Variants in RAPGEF5 observed in about 807,000 individuals in gnomAD.
RAPGEF5 encodes M-Ras-regulated GEF.
In RAPGEF5, 65 loss-of-function variants were observed where a neutral mutation model predicts 125.2. That is an observed-to-expected ratio of 0.52 (90% confidence interval 0.43 to 0.64). The LOEUF is 0.64. RAPGEF5 is among the 30% of genes least tolerant of loss of function. RAPGEF5 has a pLI of 0.00. For missense variants in RAPGEF5, 958 were observed against 1,048.1 expected (o/e 0.91, Z 1.19); for synonymous variants, 391 against 385.9 (o/e 1.01, Z -0.16).
At chr7:22,318,130 T>G in intron 1 of RAPGEF5, 93 bp from the exon 2 acceptor site, 1 of 1,225,254 alleles carries the variant, frequency 8.2e-7, no homozygotes, top group Non-Finnish European at 1.1e-6. Flanking sequence ...AGGGCAGGCC[T>G]CTGCTATGAA....
chr7:22,250,258 T>C (rs1786585966), intron 7 of RAPGEF5, among the ~76,000 whole-genome samples: 1 of 152,198 alleles, frequency 6.6e-6, no homozygotes, highest in African/African-American at 2.4e-5. Flanking sequence ...TTATAACCTA[T>C]CTGAAAAATG....
chr7:22,276,437 A>G (rs1391129456), intron 6 of RAPGEF5, among the ~76,000 whole-genome samples: 1 of 152,220 alleles, frequency 6.6e-6, no homozygotes, highest in Non-Finnish European at 1.5e-5. Flanking sequence ...TATAAACTAC[A>G]GCAACTGTGT....
chr7:22,155,241 T>C (rs1183177278), intron 16 of RAPGEF5, among the ~76,000 whole-genome samples: 3 of 152,242 alleles, frequency 2.0e-5, no homozygotes, highest in Admixed American at 6.5e-5. Flanking sequence ...TCTAGTCTTT[T>C]TAATTTCCTT....
At chr7:22,161,537 A>AACACACACACACACACACACACAC (rs369030719) in intron 13 of RAPGEF5, among the ~76,000 whole-genome samples, 14 of 136,122 alleles carry the variant, frequency 1.0e-4, no homozygotes, top group African/African-American at 3.6e-4. Flanking sequence ...ACCCTGTCTC[A>AACACACACACACACACACACACAC]ACACACACAC....
chr7:22,219,985 C>G lies in RAPGEF5; in HGVS notation c.877G>C (p.Val293Leu), dbSNP rs573250311. 1 of 1,613,438 alleles carries G rather than the reference C, an allele frequency of 6.2e-7. No individual in the cohort carries two copies. The highest frequency in any genetic ancestry group is 8.5e-7 in the Non-Finnish European group (1 of 1,179,592). ...AESVPDSQAGVMCKLQERDEI... is the reference protein window; with the variant it reads ...AESVPDSQAGLMCKLQERDEI... Reference sequence around the variant, plus strand: ...TCTCTTTCCTGGAGCTTGCACATCACCCCTGCCTTAAGAGTTGGAGAAAAA... The same window carrying G: ...TCTCTTTCCTGGAGCTTGCACATCAGCCCTGCCTTAAGAGTTGGAGAAAAA... The change falls in exon 9 of 26, where the codon GTG becomes CTG. Residue 293 changes from valine (V) to leucine (L), a missense_variant. Physicochemically the swap from Val to Leu is conservative, Grantham distance 32. Coordinates refer to ENST00000665637, the MANE Select transcript of RAPGEF5 (RefSeq NM_012294.5).
chr7:22,238,414 G>C (rs1057217814), intron 7 of RAPGEF5, among the ~76,000 whole-genome samples: 1 of 152,154 alleles, frequency 6.6e-6, no homozygotes, highest in Non-Finnish European at 1.5e-5. Flanking sequence ...ACTAAGGAGA[G>C]AGGTAAAGCA....
intron 16 of RAPGEF5, among the ~76,000 whole-genome samples, chr7:22,156,281 T>C (rs946203986): frequency 6.6e-6 from 1 of 152,224 alleles, no homozygotes; most frequent in Non-Finnish European, 1.5e-5. Flanking sequence ...ATTTCTTATT[T>C]CACGCAAATA....
chr7:22,143,367 C>CT (rs1215254105), intron 20 of RAPGEF5, among the ~76,000 whole-genome samples: 2 of 152,158 alleles, frequency 1.3e-5, no homozygotes, highest in East Asian at 3.9e-4. Context: ...GTTCAACGTG[C>CT]TAGTTTCAGA....
chr7:22,192,858 C>A (rs1785037688), intron 11 of RAPGEF5: 2 of 163,762 alleles, frequency 1.2e-5, no homozygotes, highest in South Asian at 3.4e-4. Flanking sequence ...GTCTGCACCT[C>A]GGGGCTTGTT....
Position 22,256,476 on chromosome 7 carries a change from G to C in RAPGEF5, c.796+10488C>G, listed in dbSNP as rs557340657. ...CGCCAGCCCCTGCAAGATACAAATTGAAATCACAAAGCCGAGGTCGCAAAG... is the reference window on the plus strand; with the variant it reads ...CGCCAGCCCCTGCAAGATACAAATTCAAATCACAAAGCCGAGGTCGCAAAG... On this transcript the variant is annotated intron_variant, in intron 7 of 25. Transcript: ENST00000665637. 3.3e-3 allele frequency among the ~76,000 whole-genome samples: 505 copies of C among 152,298 alleles called. 3 individuals are homozygous for C. The highest frequency in any genetic ancestry group is 2.3e-3 in the Non-Finnish European group (159 of 68,020).
intron 5 of RAPGEF5, among the ~76,000 whole-genome samples, chr7:22,304,343 C>T (rs1237861426): frequency 3.3e-5 from 5 of 152,160 alleles, no homozygotes; most frequent in Admixed American, 3.3e-4. Flanking sequence ...TTCACACCAA[C>T]AGAAAAAACT....
intron 23 of RAPGEF5, among the ~76,000 whole-genome samples, chr7:22,132,716 C>T (rs1377461832): frequency 6.6e-6 from 1 of 152,172 alleles, no homozygotes; most frequent in Non-Finnish European, 1.5e-5. Flanking sequence ...GTTTATCCCT[C>T]ACCTGCCCCT....
chr7:22,165,300 T>C (rs1784128027), intron 12 of RAPGEF5, among the ~76,000 whole-genome samples: 1 of 152,186 alleles, frequency 6.6e-6, no homozygotes. Context: ...CAAATAATAT[T>C]AGGATCATAG....
At chr7:22,288,227 T>C (rs993885251) in intron 6 of RAPGEF5, among the ~76,000 whole-genome samples, 3 of 128,272 alleles carry the variant, frequency 2.3e-5, no homozygotes, top group African/African-American at 1.0e-4. Flanking sequence ...CCTCCGCCTA[T>C]GGCTGTTCCC....
At chr7:22,227,437 T>C (rs112912599) in intron 8 of RAPGEF5, among the ~76,000 whole-genome samples, 3,379 of 152,320 alleles carry the variant, frequency 0.022, 106 homozygotes, top group African/African-American at 0.074. Context: ...CACTTAATAA[T>C]AGAATGATTG....
chr7:22,138,029 A>ACG (rs1336038776), intron 21 of RAPGEF5, among the ~76,000 whole-genome samples: 30 of 151,148 alleles, frequency 2.0e-4, no homozygotes, highest in Admixed American at 6.6e-5. Context: ...ACACACACAC[A>ACG]CACACGCACG....
At chr7:22,306,737 G>A (rs1371974544) in intron 5 of RAPGEF5, among the ~76,000 whole-genome samples, 1 of 152,158 alleles carries the variant, frequency 6.6e-6, no homozygotes, top group African/African-American at 2.4e-5. Flanking sequence ...TTTATATGGT[G>A]AGAGATAGGG....
chr7:22,158,008 A>G, intron 14 of RAPGEF5, 123 bp from the exon 15 acceptor site: 2 of 855,086 alleles, frequency 2.3e-6, no homozygotes, highest in Non-Finnish European at 3.7e-6. Context: ...AAAATAAAAC[A>G]CAGTATTCAT....
chr7:22,325,711 C>T (rs1252060643), intron 1 of RAPGEF5, among the ~76,000 whole-genome samples: 1 of 152,144 alleles, frequency 6.6e-6, no homozygotes, highest in African/African-American at 2.4e-5. Flanking sequence ...ACTACAGGTG[C>T]ACACCACCAT....
Sources: gnomAD v4.1 joint callset for allele counts (sites outside exome capture counted in the v4.1 genomes callset) on GRCh38, gnomAD v4.1.1 for gene constraint, MANE v1.5 for transcripts, NCBI Gene and HGNC (gene_info 2026-07-23, HGNC 2026-07-21) for gene names.